The following DNMBP variants were observed in gnomAD, a reference collection of about 807,000 sequenced individuals.
The protein encoded by DNMBP is dynamin binding protein.
In DNMBP, 87 loss-of-function variants were observed where a neutral mutation model predicts 150.0. The observed-to-expected ratio is 0.58, with a 90% CI of 0.49 to 0.69. DNMBP has a LOEUF of 0.69. DNMBP is among the 30% of genes least tolerant of loss of function. The pLI, the probability that DNMBP is intolerant of heterozygous loss-of-function variation, is 0.00. For missense variants in DNMBP, 1,774 were observed against 1,949.0 expected, an observed-to-expected ratio of 0.91 and a Z score of 1.69; for synonymous variants, 711 against 750.4, an observed-to-expected ratio of 0.95 and a Z score of 0.86.
intron 4 of DNMBP, among the ~76,000 whole-genome samples, chr10:99,944,381 A>G (rs892717607): frequency 2.0e-4 from 31 of 152,174 alleles, no homozygotes; most frequent in African/African-American, 7.5e-4. Flanking sequence ...TCACCAAGAG[A>G]TAGGGTAGCA....
chr10:100,000,879 A>C (rs11593102), intron 1 of DNMBP, among the ~76,000 whole-genome samples: 40,483 of 136,928 alleles, frequency 0.3, 5,749 homozygotes, highest in African/African-American at 0.35. Flanking sequence ...AAAAAAAAAA[A>C]AAAAAAAACC....
intron 4 of DNMBP, among the ~76,000 whole-genome samples, chr10:99,933,860 C>CCT (rs1445358262): frequency 6.9e-4 from 105 of 152,214 alleles, no homozygotes; most frequent in African/African-American, 1.6e-3. Context: ...CCTCAGCCTC[C>CCT]GCAGCAGCTG....
intron 1 of DNMBP, among the ~76,000 whole-genome samples, chr10:99,999,185 A>G (rs751866734): frequency 2.6e-5 from 4 of 152,224 alleles, no homozygotes; most frequent in Non-Finnish European, 5.9e-5. Flanking sequence ...GCTGGACTGT[A>G]CAAGTCACTC....
chr10:99,898,303 A>G lies in DNMBP; in HGVS notation c.2721-18T>C. The G allele has an allele frequency of 6.3e-7, 1 of 1,599,010 alleles. No homozygotes were observed. Among genetic ancestry groups the G allele is most frequent in the Non-Finnish European group, 8.6e-7 (1 of 1,166,752 alleles). ...TGCATCCCCTGTAAGAGAAGGAAAA[A>G]AGACTTTAGTAAGCTATCAATAATA... On this transcript the variant is annotated intron_variant, in intron 8 of 16. Coordinates refer to ENST00000324109, the MANE Select transcript of DNMBP (RefSeq NM_015221.4).
chr10:99,940,088 G>A (rs1225687376), intron 4 of DNMBP, among the ~76,000 whole-genome samples: 2 of 152,214 alleles, frequency 1.3e-5, no homozygotes, highest in Non-Finnish European at 2.9e-5. Flanking sequence ...TTCATGCAAT[G>A]GCCTCAGTGA....
intron 4 of DNMBP, among the ~76,000 whole-genome samples, chr10:99,934,427 C>T (rs538066914): frequency 1.4e-5 from 2 of 145,172 alleles, no homozygotes; most frequent in African/African-American, 5.2e-5. Flanking sequence ...GGTCTCATAT[C>T]ATAGGTGAGA....
Position 99,955,292 on chromosome 10 carries a change from TTGA to T in DNMBP, c.2179_2181del (p.Ser727del). The T allele has an allele frequency of 6.2e-7, 1 of 1,614,164 alleles. No individual in the cohort carries two copies. The highest frequency in any genetic ancestry group is 1.1e-5 in the South Asian group (1 of 91,088). ...TTGAGATCCTCGAGGGTCTCTGCTC[TTGA>T]TGATTCATCCTGCTTCTCCTCCAGC... is the stretch of plus-strand genomic sequence containing the variant. On this transcript the variant is annotated inframe_deletion, in exon 4 of 17. Coordinates refer to ENST00000324109, the MANE Select transcript of DNMBP (RefSeq NM_015221.4).
At position 99,914,050 on chromosome 10, in the gene DNMBP, C is replaced by CT. The variant is rs1441883418; in HGVS notation, c.2261-4905_2261-4904insA. The CT allele has an allele frequency of 1.1e-5, 16 of 1,484,064 alleles. 1 individual carries two copies. Among genetic ancestry groups the CT allele is most frequent in the Middle Eastern group, 3.5e-4 (2 of 5,722 alleles). The allele number at this position is 1,484,064 out of a possible 1,614,324, so 91.9% of individuals were successfully genotyped here. ...GAGCTCTGGAATGCTCCACAACCCC[C>CT]CAAACTCCTTTGAATAGGGTCGGCA... On this transcript the variant is annotated intron_variant, in intron 4 of 16. Coordinates refer to ENST00000324109, the MANE Select transcript of DNMBP (RefSeq NM_015221.4).
At chr10:99,992,012 A>C (rs1392214489) in intron 1 of DNMBP, among the ~76,000 whole-genome samples, 1 of 151,684 alleles carries the variant, frequency 6.6e-6, no homozygotes, top group Non-Finnish European at 1.5e-5. Flanking sequence ...CCAAGGGGGC[A>C]GATGGCTTGA....
chr10:99,886,515 T>A lies in DNMBP; in HGVS notation c.3403A>T (p.Thr1135Ser). 6.2e-7 allele frequency: 1 copy of A among 1,614,196 alleles called. No homozygotes were observed. Among genetic ancestry groups the A allele is most frequent in the Non-Finnish European group, 8.5e-7 (1 of 1,180,038 alleles). ...FDKLLDFYNC[T>S]ERAEKLKDKK... is the part of the protein sequence containing the mutation. Reference sequence around the variant, plus strand: ...TCCTTTAGCTTTTCTGCCCGTTCTGTACAGTTATAGAAGTCCAGGAGCTTG... The same window carrying A: ...TCCTTTAGCTTTTCTGCCCGTTCTGAACAGTTATAGAAGTCCAGGAGCTTG... The change falls in exon 13 of 17, where the codon ACA (threonine) becomes TCA (serine). Residue 1135 changes from threonine to serine, a missense_variant. Coordinates refer to ENST00000324109, the MANE Select transcript of DNMBP (RefSeq NM_015221.4).
rs753215922 is a variant in DNMBP, at chr10:99,956,361, G to A, written c.1113C>T (p.Asp371=). The A allele has an allele frequency of 6.2e-7, 1 of 1,614,040 alleles. No homozygotes were observed. Among genetic ancestry groups the A allele is most frequent in the Admixed American group, 1.7e-5 (1 of 60,024 alleles). The change falls in exon 4 of 17, where the codon GAC becomes GAT. Residue 371 remains aspartate (D), a synonymous_variant. Transcript: ENST00000324109. ...TGTCCTCGTCCTGATAAGAGTTTCT[G>A]TCTGTGTCATACTCTGAAGTCAGAT... ...LGHLTSEYDT[D]RNSYQDEDTA... is the part of the protein sequence containing the mutation.
chr10:99,971,832 A>C, intron 2 of DNMBP, 148 bp downstream of exon 2: 47 of 828,512 alleles, frequency 5.7e-5, no homozygotes, highest in East Asian at 1.4e-4. Flanking sequence ...CCAGCTAGGA[A>C]TAATTTTCTT....
chr10:99,917,731 C>T (rs12780060), intron 4 of DNMBP, among the ~76,000 whole-genome samples: 48,428 of 151,500 alleles, frequency 0.32, 8,336 homozygotes, highest in Non-Finnish European at 0.39. Flanking sequence ...TTTGGGAGGC[C>T]GAGGCGGGTG....
chr10:99,957,167 A>C lies in DNMBP; in HGVS notation c.307T>G (p.Trp103Gly). The change falls in exon 4 of 17, where the codon TGG becomes GGG. Residue 103 changes from tryptophan (W) to glycine (G), a missense_variant. Trp to Gly is a radical substitution (Grantham distance 184). This residue lies in a region of DNMBP where 344 missense variants were observed against 456.6 expected (regional missense o/e 0.75). Coordinates refer to ENST00000324109, the MANE Select transcript of DNMBP (RefSeq NM_015221.4). ...VILDGIPTAG[W>G]LQGRSCWGAR... ...CCCCAGCAGCTTCGGCCCTGCAGCC[A>C]GCCTGCAGTGGGAATGCCATCGAGA... is the stretch of plus-strand genomic sequence containing the variant. 1 of 1,608,144 alleles carries C rather than the reference A, an allele frequency of 6.2e-7. No homozygotes were observed. Among genetic ancestry groups the C allele is most frequent in the Non-Finnish European group, 8.5e-7 (1 of 1,179,952 alleles).
intron 1 of DNMBP, among the ~76,000 whole-genome samples, chr10:99,979,931 T>C (rs983430798): frequency 6.6e-6 from 1 of 152,166 alleles, no homozygotes. Context: ...ATTTCCTCCA[T>C]GGTCAGTCCC....
intron 4 of DNMBP, among the ~76,000 whole-genome samples, chr10:99,917,986 AAAAAG>A (rs1330352622): frequency 3.3e-3 from 184 of 55,068 alleles, no homozygotes; most frequent in Middle Eastern, 8.3e-3. Flanking sequence ...AAAAAAAAAA[AAAAAG>A]AAAAGAAAGG....
rs768821866 is a variant in DNMBP at position 99,955,730 on chromosome 10, A to G, written c.1744T>C (p.Phe582Leu). ...KILRHFSIMDFNSEKDIVRGS... is the reference protein window; with the variant it reads ...KILRHFSIMDLNSEKDIVRGS... ...CGGACAATATCCTTCTCAGAGTTAAAGTCCATGATTGAAAAGTGGCGTAAA... is the reference window on the plus strand; with the variant it reads ...CGGACAATATCCTTCTCAGAGTTAAGGTCCATGATTGAAAAGTGGCGTAAA... Residue 582 changes from phenylalanine (F) to leucine (L), a missense_variant, in exon 4 of 17, where the codon TTT becomes CTT. This residue lies in a region of DNMBP where 1,430 missense variants were observed against 1,492.5 expected (regional missense o/e 0.96). Transcript: ENST00000324109. 1.9e-6 allele frequency: 3 copies of G among 1,614,136 alleles called. No homozygotes were observed. The highest frequency in any genetic ancestry group is 2.5e-6 in the Non-Finnish European group (3 of 1,180,058).
At chr10:99,984,292 G>C (rs990048414) in intron 1 of DNMBP, among the ~76,000 whole-genome samples, 2 of 152,118 alleles carry the variant, frequency 1.3e-5, no homozygotes, top group African/African-American at 2.4e-5. Context: ...TATCCTCTCA[G>C]ACTCACATTT....
Position 99,956,421 on chromosome 10 carries a change from G to A in DNMBP, c.1053C>T (p.Cys351=). The A allele has an allele frequency of 6.2e-7, 1 of 1,614,048 alleles. No homozygotes were observed. Residue 351 remains cysteine (C), a synonymous_variant, in exon 4 of 17, where the codon TGC becomes TGT. Coordinates refer to ENST00000324109, the MANE Select transcript of DNMBP (RefSeq NM_015221.4). ...TSDHEAEEPD[C]IISEAPTSPL... Reference sequence around the variant, plus strand: ...GAGAAGTGGGTGCTTCAGAAATAATGCAGTCAGGCTCCTCGGCCTCATGGT... The same window carrying A: ...GAGAAGTGGGTGCTTCAGAAATAATACAGTCAGGCTCCTCGGCCTCATGGT...
Sources: gnomAD v4.1 joint callset for allele counts (sites outside exome capture counted in the v4.1 genomes callset) on GRCh38, gnomAD v4.1.1 for gene constraint, gnomAD v4.1.1 regional missense constraint, MANE v1.5 for transcripts, NCBI Gene and HGNC (gene_info 2026-07-23, HGNC 2026-07-21) for gene names.